RCOR2: variants seen among roughly 807,000 people sequenced by gnomAD.
The protein encoded by RCOR2 is REST corepressor 2.
In RCOR2, 19 loss-of-function variants were observed where a neutral mutation model predicts 58.9. The observed-to-expected ratio is 0.32, with a 90% CI of 0.23 to 0.47. The LOEUF is 0.47. Among genes scored for constraint, RCOR2 ranks in the 20% least tolerant of loss-of-function variants. The pLI is 1.00. For synonymous variants in RCOR2, 286 were observed against 278.7 expected, an observed-to-expected ratio of 1.03 and a Z score of -0.26; for missense variants, 590 against 707.9, an observed-to-expected ratio of 0.83 and a Z score of 1.89.
chr11:63,925,043 G>A, the RCOR2 span, among the ~76,000 whole-genome samples: 2 of 151,870 alleles, frequency 1.3e-5, no homozygotes, highest in African/African-American at 4.8e-5. Flanking sequence ...AGTACAGCCG[G>A]GGTTTCACCG....
the RCOR2 span, among the ~76,000 whole-genome samples, chr11:63,925,215 G>A: frequency 6.6e-6 from 1 of 152,064 alleles, no homozygotes; most frequent in Non-Finnish European, 1.5e-5. Flanking sequence ...CATTATCCTT[G>A]GATTAAGATC....
chr11:63,913,184 A>ATTTTTTTTTTTTTT (rs71039683), intron 8 of RCOR2, among the ~76,000 whole-genome samples: 1 of 77,888 alleles, frequency 1.3e-5, no homozygotes, highest in Non-Finnish European at 2.3e-5. Flanking sequence ...ATATATATAT[A>ATTTTTTTTTTTTTT]TTTTTTTTTT....
intron 3 of RCOR2, 56 bp downstream of exon 3, chr11:63,915,122 A>G: frequency 2.0e-6 from 3 of 1,515,432 alleles, no homozygotes; most frequent in Non-Finnish European, 2.7e-6. Flanking sequence ...GAGAAGAGCT[A>G]GCTTGGAGCT....
chr11:63,913,841 G>A lies in RCOR2; in HGVS notation c.891+113C>T, dbSNP rs2134246185. The A allele has an allele frequency of 7.0e-6, 7 of 994,964 alleles. No homozygotes were observed. The East Asian group carries it at 7.2e-5, about 10-fold the overall frequency. 61.6% of individuals were successfully genotyped at this position (994,964 alleles called of 1,614,324 possible). A position where few individuals can be genotyped will look rare whatever the true frequency, so the allele number is the denominator to read the frequency against. ...ACACCACATTACTCAGAGTCCCAGA[G>A]GATGGGGCTCGGCCCCTGAACCATC... On this transcript the variant is annotated intron_variant, in intron 8 of 11. Coordinates refer to ENST00000301459, the MANE Select transcript of RCOR2 (RefSeq NM_173587.4).
intron 8 of RCOR2, among the ~76,000 whole-genome samples, chr11:63,913,206 G>A (rs1173506945): frequency 1.6e-5 from 1 of 61,428 alleles, no homozygotes; most frequent in African/African-American, 7.2e-5. Context: ...TTTTTTTTGA[G>A]AAGGAGTTTT....
In RCOR2 at chr11:63,913,916, C is replaced by G. The variant is rs1049823827; in HGVS notation, c.891+38G>C. On this transcript the variant is annotated intron_variant, in intron 8 of 11. Coordinates refer to ENST00000301459, the MANE Select transcript of RCOR2 (RefSeq NM_173587.4). ...GACTTCAGTTCCCAGGTGCCGAATGCCACCTTTGCATAGCCCGTTCATTTC... is the reference window on the plus strand; with the variant it reads ...GACTTCAGTTCCCAGGTGCCGAATGGCACCTTTGCATAGCCCGTTCATTTC... The G allele has an allele frequency of 1.9e-6, 3 of 1,588,626 alleles. No individual in the cohort carries two copies. In the African/African-American group the frequency reaches 4.0e-5, roughly 21 times the overall value.
Position 63,912,987 on chromosome 11 carries a change from C to T in RCOR2, c.892-40G>A, listed in dbSNP as rs574769324. On this transcript the variant is annotated intron_variant, in intron 8 of 11. Coordinates refer to ENST00000301459, the MANE Select transcript of RCOR2 (RefSeq NM_173587.4). ...AAGTGGAGGAATATCAGACTCCCAT[C>T]TCAGGCAGGCCACTATGCCCCTCAC... 48 of 1,567,596 alleles carry T rather than the reference C, an allele frequency of 3.1e-5. No individual in the cohort carries two copies. In the South Asian group the frequency reaches 4.4e-4, roughly 14 times the overall value.
chr11:63,914,459 C>G lies in RCOR2; in HGVS notation c.563G>C (p.Arg188Thr). The change falls in exon 6 of 12, where the codon AGA becomes ACA. Residue 188 changes from arginine (R) to threonine (T), a missense_variant. Transcript: ENST00000301459. ...KTRSRTSVMD[R>T]QARRLGGRKD... Reference sequence around the variant, plus strand: ...GCGGCCCCCCAGCCGCCGGGCCTGTCTGTCCATCACACTAGTTCGGCTGCG... The same window carrying G: ...GCGGCCCCCCAGCCGCCGGGCCTGTGTGTCCATCACACTAGTTCGGCTGCG... 6.2e-7 allele frequency: 1 copy of G among 1,613,886 alleles called. No individual in the cohort carries two copies. The highest frequency in any genetic ancestry group is 8.5e-7 in the Non-Finnish European group (1 of 1,180,046).
rs753043727 is a variant in RCOR2 at position 63,915,650 on chromosome 11, G to T, written c.128-39C>A. On this transcript the variant is annotated intron_variant, in intron 1 of 11. Transcript: ENST00000301459. ...GGGAGGCAGTCAGGACTCCAGGGAGGGCGGGCGGGAGGGAGGATGTGGCGG... is the reference window on the plus strand; with the variant it reads ...GGGAGGCAGTCAGGACTCCAGGGAGTGCGGGCGGGAGGGAGGATGTGGCGG... 4 of 1,351,768 alleles carry T rather than the reference G, an allele frequency of 3.0e-6. No homozygotes were observed. In the South Asian group the frequency reaches 5.0e-5, roughly 17 times the overall value. The allele number at this position is 1,351,768 out of a possible 1,614,324, so 83.7% of individuals were successfully genotyped here.
chr11:63,917,889 C>T (rs765080031), upstream of RCOR2, among the ~76,000 whole-genome samples: 15 of 152,148 alleles, frequency 9.9e-5, no homozygotes, highest in Non-Finnish European at 1.6e-4. Context: ...TCCCCCTCCC[C>T]CCGGACAAGC....
chr11:63,916,665 C>T lies in RCOR2; in HGVS notation c.-209G>A. 1 of 830,360 alleles carries T rather than the reference C, an allele frequency of 1.2e-6. No individual in the cohort carries two copies. The highest frequency in any genetic ancestry group is 1.8e-6 in the Non-Finnish European group (1 of 557,282). 51.4% of individuals were successfully genotyped at this position (830,360 alleles called of 1,614,324 possible). Reference sequence around the variant, plus strand: ...CCACGACCCCCACGAGCCAGGGCGTCAGAAAAGTTTGTGCAGAAGTGGGGG... The same window carrying T: ...CCACGACCCCCACGAGCCAGGGCGTTAGAAAAGTTTGTGCAGAAGTGGGGG... On this transcript the variant is annotated 5_prime_UTR_variant, in exon 1 of 12. Transcript: ENST00000301459.
the RCOR2 span, among the ~76,000 whole-genome samples, chr11:63,927,254 A>C: frequency 6.6e-6 from 1 of 150,766 alleles, no homozygotes; most frequent in Non-Finnish European, 1.5e-5. Flanking sequence ...GGAACCACCT[A>C]CTGGCTTTTG....
chr11:63,914,081 G>T lies in RCOR2; in HGVS notation c.764C>A (p.Thr255Asn). 1 of 1,613,984 alleles carries T rather than the reference G, an allele frequency of 6.2e-7. No homozygotes were observed. Among genetic ancestry groups the T allele is most frequent in the Non-Finnish European group, 8.5e-7 (1 of 1,180,026 alleles). Residue 255 changes from threonine (T) to asparagine (N), a missense_variant, in exon 8 of 12, where the codon ACC becomes AAC. Transcript: ENST00000301459. The part of the protein sequence containing the change: ...VSQYRHHPLR[T>N]RRRPPKGMYL... ...CATGCCCTTGGGTGGGCGACGCCGG[G>T]TTCGCAAGGGATGGTGGCGGTACTG...
upstream of RCOR2, among the ~76,000 whole-genome samples, chr11:63,918,471 C>G (rs1034447915): frequency 5.3e-5 from 8 of 152,198 alleles, no homozygotes; most frequent in African/African-American, 1.9e-4. Flanking sequence ...GCCACGTTGC[C>G]CGCCACACCT....
At chr11:63,919,187 G>A (rs1054296744), upstream of RCOR2, among the ~76,000 whole-genome samples, 5 of 152,042 alleles carry the variant, frequency 3.3e-5, no homozygotes, top group Non-Finnish European at 5.9e-5. Context: ...GGGCGACTGT[G>A]GGGGCCACGG....
Position 63,915,238 on chromosome 11 carries a change from T to C in RCOR2, c.205A>G (p.Asn69Asp). Residue 69 changes from asparagine (N) to aspartate (D), a missense_variant, in exon 3 of 12, where the codon AAC becomes GAC. Physicochemically the swap from Asn to Asp is conservative, Grantham distance 23. Coordinates refer to ENST00000301459, the MANE Select transcript of RCOR2 (RefSeq NM_173587.4). Reference protein sequence around the residue: ...CKPESPARYSNKELKGMLVWS... With the variant: ...CKPESPARYSDKELKGMLVWS... ...ACCAGCATCCCCTTCAGCTCCTTGT[T>C]GCTGTAGCGTGCGGGGCTCTCTGAA... The C allele has an allele frequency of 6.4e-7, 1 of 1,551,376 alleles. No homozygotes were observed. Among genetic ancestry groups the C allele is most frequent in the Non-Finnish European group, 8.7e-7 (1 of 1,147,006 alleles).
chr11:63,916,685 T>C lies in RCOR2; in HGVS notation c.-229A>G. 6.1e-6 allele frequency: 4 copies of C among 656,102 alleles called. No homozygotes were observed. The highest frequency in any genetic ancestry group is 3.2e-5 in the Admixed American group (1 of 31,106). The allele number at this position is 656,102 out of a possible 1,614,324, so 40.6% of individuals were successfully genotyped here. ...GGCGTCAGAAAAGTTTGTGCAGAAG[T>C]GGGGGACGCAAGGGATGAGCGCAAG... is the stretch of plus-strand genomic sequence containing the variant. On this transcript the variant is annotated 5_prime_UTR_variant, in exon 1 of 12. Coordinates refer to ENST00000301459, the MANE Select transcript of RCOR2 (RefSeq NM_173587.4).
Position 63,912,711 on chromosome 11 carries a change from C to T in RCOR2, c.992G>A (p.Arg331His). Residue 331 changes from arginine to histidine, a missense_variant, in exon 10 of 12, where the codon CGC (arginine) becomes CAC (histidine). Arg to His is a conservative substitution (Grantham distance 29). Around this residue, in one of 3 missense-constraint regions of RCOR2, gnomAD observed 390 missense variants for 478.7 expected, o/e 0.81. Coordinates refer to ENST00000301459, the MANE Select transcript of RCOR2 (RefSeq NM_173587.4). ...CAAAAGCTGCTCATCTGTGGTCCAG[C>T]GGGAGTTGAACTTGGTGTTGGCCTG... ...PPEANTKFNSRWTTDEQLLAV... is the reference protein window; with the variant it reads ...PPEANTKFNSHWTTDEQLLAV... 6.2e-7 allele frequency: 1 copy of T among 1,614,078 alleles called. No individual in the cohort carries two copies. The highest frequency in any genetic ancestry group is 8.5e-7 in the Non-Finnish European group (1 of 1,180,010).
chr11:63,917,173 T>C (rs1318514940), upstream of RCOR2, among the ~76,000 whole-genome samples: 1 of 146,680 alleles, frequency 6.8e-6, no homozygotes, highest in African/African-American at 2.5e-5. Context: ...ATGAAGCTGC[T>C]GGCAGGGAAG....
Sources: allele counts gnomAD v4.1 joint callset (sites outside exome capture counted in the v4.1 genomes callset), GRCh38; gene constraint gnomAD v4.1.1; regional missense constraint gnomAD v4.1.1; transcripts MANE v1.5; gene names NCBI Gene and HGNC (gene_info 2026-07-23, HGNC 2026-07-21).